EPAS1: variants seen among roughly 807,000 people sequenced by gnomAD.
The protein encoded by EPAS1 is endothelial PAS domain-containing protein 1.
Under a neutral mutation model 87.9 loss-of-function variants are expected in EPAS1, and 23 were observed. The observed-to-expected ratio is 0.26, with a 90% confidence interval of 0.19 to 0.37. EPAS1 has a LOEUF of 0.37. Ranked by LOEUF, EPAS1 falls within the 10% of genes least tolerant of loss-of-function variation. The pLI is 1.00. For missense variants in EPAS1, 1,138 were observed against 1,120.7 expected (o/e 1.02, Z -0.22); for synonymous variants, 508 against 444.3 (o/e 1.14, Z -1.80).
chr2:46,332,314 G>T (rs1237516873), intron 1 of EPAS1, among the ~76,000 whole-genome samples: 3 of 140,994 alleles, frequency 2.1e-5, no homozygotes, highest in African/African-American at 5.2e-5. Context: ...GTGTGTGTGT[G>T]TGTGTGTGTG....
In EPAS1 at chr2:46,361,011, C is replaced by G. The variant is rs772716081; in HGVS notation, c.700C>G (p.His234Asp). 1.9e-6 allele frequency: 3 copies of G among 1,614,144 alleles called. No homozygotes were observed. In the South Asian group the frequency reaches 3.3e-5, roughly 18 times the overall value. Residue 234 changes from histidine (H) to aspartate (D), a missense_variant, in exon 6 of 16, where the codon CAC (histidine) becomes GAC (aspartate). By Grantham distance (81) the His-to-Asp change is moderately conservative (BLOSUM62 -1). Around this residue, in one of 4 missense-constraint regions of EPAS1, gnomAD observed 351 missense variants for 417.1 expected, o/e 0.84. Coordinates refer to ENST00000263734, the MANE Select transcript of EPAS1 (RefSeq NM_001430.5). ...GTGTGAACCAATCCAGCACCCATCC[C>G]ACATGGACATCCCCCTGGATAGCAA... The part of the protein sequence containing the change: ...IMCEPIQHPS[H>D]MDIPLDSKTF...
chr2:46,330,123 A>C (rs2104857182), intron 1 of EPAS1, among the ~76,000 whole-genome samples: 1 of 152,272 alleles, frequency 6.6e-6, no homozygotes, highest in East Asian at 1.9e-4. Context: ...TCTTTTCTTG[A>C]AACTTTCCCT....
At chr2:46,359,663 C>T (rs1330054017) in intron 4 of EPAS1, among the ~76,000 whole-genome samples, 1 of 152,112 alleles carries the variant, frequency 6.6e-6, no homozygotes, top group Non-Finnish European at 1.5e-5. Context: ...CAGTCAAGAT[C>T]CTCTGGAAGT....
chr2:46,375,936 C>A lies in EPAS1; in HGVS notation c.1034+99C>A. On this transcript the variant is annotated intron_variant, in intron 8 of 15. Coordinates refer to ENST00000263734, the MANE Select transcript of EPAS1 (RefSeq NM_001430.5). The surrounding 1 kb of genome is among the most constrained non-coding windows in gnomAD (Gnocchi z 4.1). ...CAGGCCTAGGAGATGCCAGGCCTCT[C>A]AGCGCCCTGGGCACCACCTCAGGGA... is the stretch of plus-strand genomic sequence containing the variant. The A allele has an allele frequency of 6.5e-7, 1 of 1,537,480 alleles. No homozygotes were observed. The highest frequency in any genetic ancestry group is 9.0e-7 in the Non-Finnish European group (1 of 1,114,274).
At position 46,380,527 on chromosome 2, in the gene EPAS1, C is replaced by A; in HGVS notation, c.1855C>A (p.Pro619Thr). The A allele has an allele frequency of 6.2e-7, 1 of 1,614,232 alleles. No homozygotes were observed. Among genetic ancestry groups the A allele is most frequent in the African/African-American group, 1.3e-5 (1 of 75,058 alleles). Residue 619 changes from proline to threonine, a missense_variant, in exon 12 of 16, where the codon CCG becomes ACG. By Grantham distance (38) the Pro-to-Thr change is conservative. Transcript: ENST00000263734. This position sits in a 1 kb window ranked among gnomAD's most constrained non-coding sequence, Gnocchi z 4.4. ...FDAGSKASLP[P>T]CCGQASTPLS... is the part of the protein sequence containing the mutation. ...TGCCGGAAGCAAAGCATCCCTGCCA[C>A]CGTGCTGTGGCCAGGCCAGCACCCC... is the stretch of plus-strand genomic sequence containing the variant.
chr2:46,356,574 T>G, intron 3 of EPAS1, 150 bp from the exon 4 acceptor site: 1 of 749,344 alleles, frequency 1.3e-6, no homozygotes, highest in Non-Finnish European at 2.4e-6. Flanking sequence ...TACATCTTTC[T>G]GTCTGTGGAC....
At position 46,386,165 on chromosome 2, in the gene EPAS1, T is replaced by G. The variant is rs569264142; in HGVS notation, c.*1505T>G. 6.5e-6 allele frequency: 1 copy of G among 152,744 alleles called. No homozygotes were observed. Among genetic ancestry groups the G allele is most frequent in the Non-Finnish European group, 1.5e-5 (1 of 68,026 alleles). 9.5% of individuals were successfully genotyped at this position (152,744 alleles called of 1,614,324 possible). On this transcript the variant is annotated 3_prime_UTR_variant, in exon 16 of 16. Transcript: ENST00000263734. ...CTGAAAATAGTGTTCCCAGAGCACT[T>G]TGCAACTCCCTGGGTAAGAGGGACG...
rs1457061120 is a variant in EPAS1, at chr2:46,376,571, T to C, written c.1067T>C (p.Met356Thr). The change falls in exon 9 of 16, where the codon ATG becomes ACG. Residue 356 changes from methionine (M) to threonine (T), a missense_variant. Met to Thr is a moderately conservative substitution (Grantham distance 81). This residue lies in a region of EPAS1 where 284 missense variants were observed against 258.4 expected (regional missense o/e 1.10). Transcript: ENST00000263734. ...GAGAAGAATGACGTGGTGTTCTCCA[T>C]GGACCAGACTGAATCCCTGTTCAAG... ...EIEKNDVVFS[M>T]DQTESLFKPH... is the part of the protein sequence containing the mutation. The C allele has an allele frequency of 6.2e-7, 1 of 1,614,158 alleles. No homozygotes were observed. The highest frequency in any genetic ancestry group is 8.5e-7 in the Non-Finnish European group (1 of 1,180,024).
intron 1 of EPAS1, among the ~76,000 whole-genome samples, chr2:46,323,501 A>G (rs1045691394): frequency 6.6e-6 from 1 of 152,248 alleles, no homozygotes; most frequent in Non-Finnish European, 1.5e-5. Context: ...ATAAATATTT[A>G]TCATACGGAA....
At chr2:46,314,184 C>G (rs527448830) in intron 1 of EPAS1, among the ~76,000 whole-genome samples, 3 of 152,118 alleles carry the variant, frequency 2.0e-5, no homozygotes, top group Non-Finnish European at 2.9e-5. Context: ...TATTGTTTGT[C>G]TTATTTGGCA....
rs147597862 is a variant in EPAS1 at position 46,297,772 on chromosome 2, G to C, written c.-140G>C. On this transcript the variant is annotated 5_prime_UTR_variant, in exon 1 of 16. Transcript: ENST00000263734. ...CGCGCGCCACCTTCCACCTGACTGCGCGGGGCGCTCGGGACCTGCGCGCAC... is the reference window on the plus strand; with the variant it reads ...CGCGCGCCACCTTCCACCTGACTGCCCGGGGCGCTCGGGACCTGCGCGCAC... The C allele has an allele frequency of 3.4e-6, 4 of 1,186,786 alleles. 1 individual carries two copies. Among genetic ancestry groups the C allele is most frequent in the Non-Finnish European group, 4.8e-6 (4 of 829,602 alleles). The allele number at this position is 1,186,786 out of a possible 1,614,324, so 73.5% of individuals were successfully genotyped here.
intron 2 of EPAS1, among the ~76,000 whole-genome samples, chr2:46,348,026 G>A (rs927668108): frequency 6.6e-6 from 1 of 152,160 alleles, no homozygotes; most frequent in Non-Finnish European, 1.5e-5. Flanking sequence ...CTTGGAGACG[G>A]TGGACTCCGC....
chr2:46,374,971 A>G (rs963389300), intron 7 of EPAS1, among the ~76,000 whole-genome samples: 1 of 152,114 alleles, frequency 6.6e-6, no homozygotes, highest in African/African-American at 2.4e-5. Flanking sequence ...CAGCTTATGA[A>G]GAGACTGTGT....
intron 1 of EPAS1, among the ~76,000 whole-genome samples, chr2:46,299,394 C>T (rs1682950987): frequency 6.6e-6 from 1 of 152,186 alleles, no homozygotes; most frequent in Non-Finnish European, 1.5e-5. Flanking sequence ...TGAGGGAGCC[C>T]TGAGACTGCA....
At chr2:46,298,643 G>C (rs934923035) in intron 1 of EPAS1, among the ~76,000 whole-genome samples, 4 of 152,236 alleles carry the variant, frequency 2.6e-5, no homozygotes, top group Admixed American at 2.6e-4. Flanking sequence ...GATGTCCCTG[G>C]CAGGTCCGGG....
Position 46,360,497 on chromosome 2 carries a change from T to C in EPAS1, c.455-141T>C, listed in dbSNP as rs1684363602. The C allele has an allele frequency of 1.3e-6, 1 of 767,968 alleles. No individual in the cohort carries two copies. The highest frequency in any genetic ancestry group is 1.4e-5 in the South Asian group (1 of 69,662). 47.6% of individuals were successfully genotyped at this position (767,968 alleles called of 1,614,324 possible). A position where few individuals can be genotyped will look rare whatever the true frequency, so the allele number is the denominator to read the frequency against. On this transcript the variant is annotated intron_variant, in intron 4 of 15. Transcript: ENST00000263734. This position sits in a 1 kb window ranked among gnomAD's most constrained non-coding sequence, Gnocchi z 4.5. ...AGGCCATGATGGAGCTCAGTGTTGA[T>C]GGCAGACCACAGGTGCTAAGAGAGC...
intron 1 of EPAS1, among the ~76,000 whole-genome samples, chr2:46,308,183 C>T (rs1683145043): frequency 6.6e-6 from 1 of 152,096 alleles, no homozygotes; most frequent in Non-Finnish European, 1.5e-5. Flanking sequence ...GATGCTTTTC[C>T]CCTCTCTTCC....
At chr2:46,363,017 G>GATGA (rs1553395714) in intron 6 of EPAS1, among the ~76,000 whole-genome samples, 27 of 144,274 alleles carry the variant, frequency 1.9e-4, no homozygotes, top group Non-Finnish European at 2.4e-4. Flanking sequence ...GGTGGTGGTG[G>GATGA]TGATAATGAT....
chr2:46,376,643 G>T lies in EPAS1; in HGVS notation c.1139G>T (p.Gly380Val), dbSNP rs990197435. The part of the protein sequence containing the change: ...MNSIFDSSGK[G>V]AVSEKSNFLF... ...AGCATCTTTGATAGCAGTGGCAAGG[G>T]GGCTGTGTCTGAGAAGAGTAACTTC... The change falls in exon 9 of 16, where the codon GGG (glycine) becomes GTG (valine). Residue 380 changes from glycine (G) to valine (V), a missense_variant. By Grantham distance (109) the Gly-to-Val change is moderately radical (BLOSUM62 -3). This residue lies in a region of EPAS1 where 284 missense variants were observed against 258.4 expected (regional missense o/e 1.10). Transcript: ENST00000263734. The T allele has an allele frequency of 2.5e-6, 4 of 1,613,996 alleles. No homozygotes were observed. In the African/African-American group the frequency reaches 4.0e-5, roughly 16 times the overall value.
Sources: allele counts gnomAD v4.1 joint callset (sites outside exome capture counted in the v4.1 genomes callset), GRCh38; gene constraint gnomAD v4.1.1; regional missense constraint gnomAD v4.1.1; non-coding constraint Gnocchi (gnomAD v3.1); transcripts MANE v1.5; gene names NCBI Gene and HGNC (gene_info 2026-07-23, HGNC 2026-07-21).